The following CLCN7 variants were observed in gnomAD, a reference collection of about 807,000 sequenced individuals.
CLCN7 encodes Cl-/H+ antiporter 7.
A neutral mutation model predicts 102.1 loss-of-function variants in CLCN7; 60 were observed. The ratio of observed to expected loss-of-function variants is 0.59; its 90% confidence interval spans 0.48 to 0.73. The LOEUF is 0.73. CLCN7 is among the 30% of genes least tolerant of loss of function. The pLI is 0.00. For missense variants in CLCN7, 962 were observed against 1,125.7 expected, an observed-to-expected ratio of 0.85 and a Z score of 2.08; for synonymous variants, 560 against 490.5, an observed-to-expected ratio of 1.14 and a Z score of -1.87.
rs1052283290 is a variant in CLCN7, at chr16:1,445,676, C to A, written c.*955G>T. On this transcript the variant is annotated 3_prime_UTR_variant, in exon 25 of 25. Transcript: ENST00000382745. ...GGCCCTTCTAGCTGCCTGTGCTGGG[C>A]CAGGTGTCCTCTGAGGCCGGCAGGA... 1.3e-5 allele frequency: 2 copies of A among 152,918 alleles called. No individual in the cohort carries two copies. Among genetic ancestry groups the A allele is most frequent in the Admixed American group, 6.5e-5 (1 of 15,364 alleles). The allele number at this position is 152,918 out of a possible 1,614,324, so 9.5% of individuals were successfully genotyped here.
chr16:1,456,992 A>T (rs1163649739), intron 9 of CLCN7, among the ~76,000 whole-genome samples: 2 of 152,152 alleles, frequency 1.3e-5, no homozygotes, highest in East Asian at 3.9e-4. Context: ...TCCTCTGAGA[A>T]GCCGCTTGGA....
chr16:1,455,818 G>C (rs566842496), intron 10 of CLCN7, 23 bp from the exon 11 acceptor site: 1 of 1,611,902 alleles, frequency 6.2e-7, no homozygotes, highest in Admixed American at 1.7e-5. Context: ...CGGCCGGCTC[G>C]GGTGCCAGCT....
intron 1 of CLCN7, among the ~76,000 whole-genome samples, chr16:1,472,115 G>A (rs562549411): frequency 9.2e-5 from 14 of 152,374 alleles, no homozygotes; most frequent in African/African-American, 3.1e-4. Context: ...ATGCGCCTGC[G>A]TCCCAGGCAG....
At chr16:1,472,658 C>T (rs1369958711) in intron 1 of CLCN7, 1 of 152,200 alleles carries the variant, frequency 6.6e-6, no homozygotes, top group East Asian at 1.9e-4. Context: ...CAACCTCCAT[C>T]AAGGTTCCTA....
chr16:1,451,900 C>T (rs2038757645), intron 15 of CLCN7, 184 bp from the exon 16 acceptor site: 1 of 624,364 alleles, frequency 1.6e-6, no homozygotes, highest in Non-Finnish European at 3.0e-6. Context: ...ACACAAGGCC[C>T]AAGCCATGGT....
At chr16:1,450,350 GA>G in intron 17 of CLCN7, 146 bp downstream of exon 17, 1 of 827,610 alleles carries the variant, frequency 1.2e-6, no homozygotes, top group South Asian at 1.6e-5. Flanking sequence ...CACGGCCCGT[GA>G]ACCACGCGAG....
At position 1,456,317 on chromosome 16, in the gene CLCN7, A is replaced by G. The variant is rs35331938; in HGVS notation, c.823-111T>C. The G allele has an allele frequency of 0.079, 62,155 of 790,792 alleles. 2,996 individuals are homozygous for G. Among genetic ancestry groups the G allele is most frequent in the Non-Finnish European group, 0.1 (46,613 of 463,734 alleles). The allele number at this position is 790,792 out of a possible 1,614,324, so 49.0% of individuals were successfully genotyped here. A position where few individuals can be genotyped will look rare whatever the true frequency, so the allele number is the denominator to read the frequency against. ...GTGCAGGGGAAGGGGCTTTCAGGAC[A>G]ACCGAGTCAGCAGCTCTGATTCCTG... On this transcript the variant is annotated intron_variant, in intron 9 of 24. Transcript: ENST00000382745.
chr16:1,451,811 G>A (rs954623948), intron 15 of CLCN7, 95 bp from the exon 16 acceptor site: 7 of 1,010,772 alleles, frequency 6.9e-6, no homozygotes, highest in Admixed American at 3.9e-5. Context: ...CGTGTACCCT[G>A]TGCCTGGCCA....
chr16:1,451,819 C>T, intron 15 of CLCN7, 103 bp from the exon 16 acceptor site: 1 of 942,514 alleles, frequency 1.1e-6, no homozygotes, highest in Non-Finnish European at 1.7e-6. Flanking sequence ...CTGTGCCTGG[C>T]CAGCATCAGG....
intron 6 of CLCN7, 88 bp from the exon 7 acceptor site, chr16:1,459,275 A>G (rs2038890567): frequency 8.5e-7 from 1 of 1,176,622 alleles, no homozygotes; most frequent in Non-Finnish European, 1.3e-6. Context: ...GGAGCTGAGG[A>G]GAGCAGCAGA....
intron 1 of CLCN7, among the ~76,000 whole-genome samples, chr16:1,471,473 T>G (rs2039077001): frequency 6.6e-6 from 1 of 152,084 alleles, no homozygotes; most frequent in Non-Finnish European, 1.5e-5. Flanking sequence ...TGAGCCTAAC[T>G]GTGAGCTGTG....
intron 2 of CLCN7, among the ~76,000 whole-genome samples, chr16:1,464,680 G>A (rs1023860119): frequency 1.3e-5 from 2 of 152,228 alleles, no homozygotes; most frequent in African/African-American, 4.8e-5. Context: ...GAAGGAGGAC[G>A]CCCGGGGTGT....
At chr16:1,466,413 C>G (rs2039005683) in intron 1 of CLCN7, among the ~76,000 whole-genome samples, 1 of 152,238 alleles carries the variant, frequency 6.6e-6, no homozygotes, top group Non-Finnish European at 1.5e-5. Flanking sequence ...CAGGAGCCCA[C>G]AGGGCCGAGG....
At chr16:1,450,283 C>T in intron 17 of CLCN7, 1 of 609,792 alleles carries the variant, frequency 1.6e-6, no homozygotes, top group East Asian at 2.8e-5. Context: ...CTGGTCCAGA[C>T]TCCACACATG....
intron 24 of CLCN7, 81 bp from the exon 25 acceptor site, chr16:1,446,798 G>C (rs955764475): frequency 1.5e-6 from 2 of 1,298,882 alleles, no homozygotes; most frequent in Non-Finnish European, 2.2e-6. Flanking sequence ...TGTGTGGCTG[G>C]GGCAGCACAG....
At chr16:1,450,302 T>C in intron 17 of CLCN7, 195 bp downstream of exon 17, 1 of 557,344 alleles carries the variant, frequency 1.8e-6, no homozygotes, top group South Asian at 1.9e-5. Context: ...TGGGCTGCGC[T>C]GCCACAGTAC....
At chr16:1,458,309 G>A (rs182520117) in intron 7 of CLCN7, among the ~76,000 whole-genome samples, 25 of 152,380 alleles carry the variant, frequency 1.6e-4, no homozygotes, top group South Asian at 8.3e-4. Context: ...ACACAAGGGC[G>A]CTGAGTGTGT....
intron 13 of CLCN7, 73 bp downstream of exon 13, chr16:1,454,338 C>G (rs1219512427): frequency 6.6e-7 from 1 of 1,506,574 alleles, no homozygotes; most frequent in African/African-American, 1.4e-5. Flanking sequence ...GCCTCCAGTC[C>G]TCGTCTCTAT....
At position 1,461,477 on chromosome 16, in the gene CLCN7, G is replaced by T. The variant is rs1191046309; in HGVS notation, c.286-7C>A. 18 of 1,582,744 alleles carry T rather than the reference G, an allele frequency of 1.1e-5. No individual in the cohort carries two copies. The highest frequency in any genetic ancestry group is 1.5e-5 in the Non-Finnish European group (18 of 1,165,236). ...TGTTGTCATAGTCCAAGCTCTGCAG[G>T]CCGGGACAGCAAGGGCAGCACTCAG... On this transcript the variant is annotated splice_region_variant and splice_polypyrimidine_tract_variant and intron_variant, in intron 3 of 24. Coordinates refer to ENST00000382745, the MANE Select transcript of CLCN7 (RefSeq NM_001287.6).
Sources: gnomAD v4.1 joint callset for allele counts (sites outside exome capture counted in the v4.1 genomes callset) on GRCh38, gnomAD v4.1.1 for gene constraint, MANE v1.5 for transcripts, NCBI Gene and HGNC (gene_info 2026-07-23, HGNC 2026-07-21) for gene names.